Variants in YTHDF3 observed in about 807,000 individuals in gnomAD.
The protein encoded by YTHDF3 is YTH N6-methyladenosine RNA binding protein F3.
Under a neutral mutation model 52.5 loss-of-function variants are expected in YTHDF3, and 9 were observed. The observed-to-expected ratio is 0.17, with a 90% CI of 0.10 to 0.30. The LOEUF (loss-of-function observed/expected upper bound fraction) is 0.30, where lower values mean the gene tolerates loss of function less well. YTHDF3 is among the 10% of genes least tolerant of loss of function. YTHDF3 has a pLI of 1.00. For missense variants in YTHDF3, 534 were observed against 715.0 expected (o/e 0.75, Z 2.89); for synonymous variants, 274 against 243.3 (o/e 1.13, Z -1.18).
At chr8:63,209,129 G>A (rs7016325) in intron 4 of YTHDF3, among the ~76,000 whole-genome samples, 117,069 of 152,092 alleles carry the variant, frequency 0.77, 46,405 homozygotes, top group East Asian at 0.98. Context: ...CGGCCTCCCA[G>A]AGTGCTGGGA....
chr8:63,188,691 ATATATATATATT>A (rs1173377975), intron 4 of YTHDF3: 8 of 63,906 alleles, frequency 1.3e-4, no homozygotes, highest in African/African-American at 5.5e-4. Flanking sequence ...ATATATATAT[ATATATATATATT>A]TTTTTTTTTT....
chr8:63,181,444 C>T (rs981013337), intron 3 of YTHDF3, among the ~76,000 whole-genome samples: 1 of 152,122 alleles, frequency 6.6e-6, no homozygotes, highest in Non-Finnish European at 1.5e-5. Context: ...TCATCTTCTG[C>T]CAACTTTCTC....
chr8:63,189,193 ATATTTT>A (rs1157889808), intron 4 of YTHDF3, among the ~76,000 whole-genome samples: 5 of 152,136 alleles, frequency 3.3e-5, no homozygotes, highest in African/African-American at 4.8e-5. Context: ...ATTGGCCAGA[ATATTTT>A]TATTTTTATT....
At chr8:63,204,002 G>A (rs929219931) in intron 4 of YTHDF3, among the ~76,000 whole-genome samples, 2 of 152,054 alleles carry the variant, frequency 1.3e-5, no homozygotes, top group African/African-American at 4.8e-5. Context: ...TATTCCCTTT[G>A]TGTACTCTGT....
chr8:63,203,006 C>A (rs1809742648), intron 4 of YTHDF3, among the ~76,000 whole-genome samples: 1 of 152,066 alleles, frequency 6.6e-6, no homozygotes, highest in Non-Finnish European at 1.5e-5. Flanking sequence ...CTAAGGGAGG[C>A]CAAGGCACGC....
chr8:63,201,521 T>C (rs1809643138), intron 4 of YTHDF3, among the ~76,000 whole-genome samples: 1 of 152,204 alleles, frequency 6.6e-6, no homozygotes, highest in African/African-American at 2.4e-5. Flanking sequence ...TTAATAAATA[T>C]AATTTACCAG....
Position 63,183,363 on chromosome 8 carries a change from C to T in YTHDF3, c.136-2784C>T, listed in dbSNP as rs1808281646. 2.0e-5 allele frequency among the ~76,000 whole-genome samples: 3 copies of T among 151,962 alleles called. No individual in the cohort carries two copies. The South Asian group carries it at 6.2e-4, about 32-fold the overall frequency. ...TTTTTTAATCACAGTGACTTTTTGT[C>T]AGTATGAAGCACTATGAGTACTTTC... On this transcript the variant is annotated intron_variant, in intron 3 of 4. Coordinates refer to ENST00000539294, the MANE Select transcript of YTHDF3 (RefSeq NM_152758.6).
At chr8:63,173,020 T>C (rs1807429916) in intron 2 of YTHDF3, among the ~76,000 whole-genome samples, 1 of 152,052 alleles carries the variant, frequency 6.6e-6, no homozygotes, top group Non-Finnish European at 1.5e-5. Context: ...GAAGTACTTT[T>C]AATTAAACAT....
At chr8:63,192,405 A>G (rs1365696867) in intron 4 of YTHDF3, among the ~76,000 whole-genome samples, 1 of 152,190 alleles carries the variant, frequency 6.6e-6, no homozygotes, top group Non-Finnish European at 1.5e-5. Context: ...GTCATGCTGT[A>G]AATTGATTTT....
chr8:63,175,295 A>G (rs771047095), intron 2 of YTHDF3, 36 bp from the exon 3 acceptor site: 52 of 1,491,704 alleles, frequency 3.5e-5, no homozygotes, highest in Non-Finnish European at 4.1e-5. Flanking sequence ...TTTCATAAAG[A>G]TAACTACAAC....
intron 3 of YTHDF3, among the ~76,000 whole-genome samples, chr8:63,177,608 T>C (rs908805679): frequency 6.6e-6 from 1 of 152,174 alleles, no homozygotes; most frequent in Non-Finnish European, 1.5e-5. Context: ...CAAAAAGATG[T>C]CCATGTTTAG....
chr8:63,172,988 C>T (rs1164942434), intron 2 of YTHDF3, among the ~76,000 whole-genome samples: 1 of 151,724 alleles, frequency 6.6e-6, no homozygotes, highest in Non-Finnish European at 1.5e-5. Context: ...TAGTTTAATG[C>T]AAATTGCTTC....
intron 3 of YTHDF3, among the ~76,000 whole-genome samples, chr8:63,180,534 C>T (rs1294489819): frequency 6.6e-6 from 1 of 152,060 alleles, no homozygotes; most frequent in Non-Finnish European, 1.5e-5. Context: ...AGACGATGGG[C>T]GGCCGGGCAG....
At position 63,209,768 on chromosome 8, in the gene YTHDF3, T is replaced by C. The variant is rs1276441672; in HGVS notation, c.*62T>C. 1 of 1,490,208 alleles carries C rather than the reference T, an allele frequency of 6.7e-7. No homozygotes were observed. Among genetic ancestry groups the C allele is most frequent in the African/African-American group, 1.4e-5 (1 of 70,408 alleles). The allele number at this position is 1,490,208 out of a possible 1,614,324, so 92.3% of individuals were successfully genotyped here. A position where few individuals can be genotyped will look rare whatever the true frequency, so the allele number is the denominator to read the frequency against. ...CGATGTAGACTCTGGAAATGCCTAA[T>C]AAGTCAAAGAAGACGTATTAAAGCT... On this transcript the variant is annotated 3_prime_UTR_variant, in exon 5 of 5. Coordinates refer to ENST00000539294, the MANE Select transcript of YTHDF3 (RefSeq NM_152758.6).
At chr8:63,177,169 C>T (rs1585743286) in intron 3 of YTHDF3, among the ~76,000 whole-genome samples, 1 of 152,142 alleles carries the variant, frequency 6.6e-6, no homozygotes, top group Admixed American at 6.5e-5. Context: ...AATCTTACTA[C>T]AGAACTGAAC....
rs2150373960 is a variant in YTHDF3, at chr8:63,187,049, ACAG to A, written c.1046_1048del (p.Gln349del). On this transcript the variant is annotated inframe_deletion, in exon 4 of 5. Coordinates refer to ENST00000539294, the MANE Select transcript of YTHDF3 (RefSeq NM_152758.6). Reference sequence around the variant, plus strand: ...CCCAGCCTCACCAAGTGCAGCCTCAACAGCAGCAGCTGCAGAATCGCTGGGTAG... The same window carrying A: ...CCCAGCCTCACCAAGTGCAGCCTCAACAGCAGCTGCAGAATCGCTGGGTAG... 1 of 1,613,634 alleles carries A rather than the reference ACAG, an allele frequency of 6.2e-7. No individual in the cohort carries two copies. The highest frequency in any genetic ancestry group is 1.1e-5 in the South Asian group (1 of 91,040).
At chr8:63,182,974 T>C (rs1808248132) in intron 3 of YTHDF3, among the ~76,000 whole-genome samples, 1 of 151,964 alleles carries the variant, frequency 6.6e-6, no homozygotes, top group Admixed American at 6.6e-5. Context: ...TTTTTTTCTT[T>C]TTTGAGACAG....
At chr8:63,206,723 C>G (rs775339479) in intron 4 of YTHDF3, among the ~76,000 whole-genome samples, 3 of 152,004 alleles carry the variant, frequency 2.0e-5, no homozygotes, top group Admixed American at 1.3e-4. Context: ...TTTTAAAAAT[C>G]AGTAATTTCA....
At chr8:63,199,846 G>A (rs1809484875) in intron 4 of YTHDF3, among the ~76,000 whole-genome samples, 2 of 152,114 alleles carry the variant, frequency 1.3e-5, no homozygotes, top group Admixed American at 1.3e-4. Flanking sequence ...TGAAGTTAGG[G>A]AAAGATATCA....
Sources: allele counts gnomAD v4.1 joint callset (sites outside exome capture counted in the v4.1 genomes callset), GRCh38; gene constraint gnomAD v4.1.1; transcripts MANE v1.5; gene names NCBI Gene and HGNC (gene_info 2026-07-23, HGNC 2026-07-21).